CCDC85A: variants seen among roughly 807,000 people sequenced by gnomAD.
The protein encoded by CCDC85A is coiled-coil domain containing 85A.
CCDC85A carries 38 observed loss-of-function variants against 50.2 expected under a neutral mutation model. The ratio of observed to expected loss-of-function variants is 0.76; its 90% confidence interval spans 0.58 to 0.99. The LOEUF (loss-of-function observed/expected upper bound fraction) is 0.99. Among genes scored for constraint, CCDC85A ranks in the 50% least tolerant of loss-of-function variants. The pLI is 0.00. For missense variants in CCDC85A, 820 were observed against 742.0 expected (o/e 1.11, Z -1.22); for synonymous variants, 366 against 301.4 (o/e 1.21, Z -2.22).
intron 2 of CCDC85A, among the ~76,000 whole-genome samples, chr2:56,226,888 A>G (rs1381430671): frequency 6.6e-6 from 1 of 152,110 alleles, no homozygotes; most frequent in Non-Finnish European, 1.5e-5. Flanking sequence ...GAATTTTGTA[A>G]CTGAGTATTG....
intron 3 of CCDC85A, among the ~76,000 whole-genome samples, chr2:56,344,810 G>A (rs995541739): frequency 1.3e-5 from 2 of 151,806 alleles, no homozygotes; most frequent in Non-Finnish European, 2.9e-5. Context: ...TCTCTCAGGC[G>A]ACTGGGAATG....
intron 1 of CCDC85A, among the ~76,000 whole-genome samples, chr2:56,190,597 T>C (rs995963855): frequency 1.3e-5 from 2 of 152,160 alleles, no homozygotes; most frequent in Non-Finnish European, 2.9e-5. Flanking sequence ...AAGTGACTTA[T>C]AAAATGAGAC....
chr2:56,316,600 C>G (rs973045740), intron 2 of CCDC85A, among the ~76,000 whole-genome samples: 1 of 152,140 alleles, frequency 6.6e-6, no homozygotes, highest in African/African-American at 2.4e-5. Flanking sequence ...CTTCACTTAG[C>G]TAGATCCCAT....
intron 2 of CCDC85A, among the ~76,000 whole-genome samples, chr2:56,223,376 G>A (rs151248802): frequency 1.5e-3 from 225 of 152,206 alleles, no homozygotes; most frequent in Non-Finnish European, 2.9e-3. Context: ...AAATGAATGT[G>A]CATTACTTGT....
chr2:56,320,599 G>A (rs1268793750), intron 2 of CCDC85A, among the ~76,000 whole-genome samples: 1 of 152,068 alleles, frequency 6.6e-6, no homozygotes, highest in Non-Finnish European at 1.5e-5. Flanking sequence ...GGAAGAAGTT[G>A]AATCCCTGAA....
chr2:56,350,868 A>G (rs769356118), intron 3 of CCDC85A, among the ~76,000 whole-genome samples: 7 of 144,294 alleles, frequency 4.9e-5, no homozygotes, highest in Admixed American at 1.4e-4. Flanking sequence ...TATTATTATT[A>G]TACTTTAAGT....
chr2:56,186,452 T>C (rs1479040146), intron 1 of CCDC85A, among the ~76,000 whole-genome samples: 1 of 152,104 alleles, frequency 6.6e-6, no homozygotes, highest in African/African-American at 2.4e-5. Context: ...TAGGGGAAGG[T>C]TTAATACTTG....
At chr2:56,189,914 C>G (rs1421672649) in intron 1 of CCDC85A, among the ~76,000 whole-genome samples, 2 of 152,008 alleles carry the variant, frequency 1.3e-5, no homozygotes, top group African/African-American at 2.4e-5. Flanking sequence ...AAAGGTCAGG[C>G]CTGAAAACAG....
chr2:56,375,696 T>C (rs888709110), intron 4 of CCDC85A, 120 bp from the exon 5 acceptor site: 2 of 996,968 alleles, frequency 2.0e-6, no homozygotes, highest in African/African-American at 3.3e-5. Context: ...GTAGACTAGG[T>C]TAGGAAAAAG....
In CCDC85A at chr2:56,184,186, G is replaced by C. The variant is rs951673879; in HGVS notation, c.-439G>C. On this transcript the variant is annotated 5_prime_UTR_variant, in exon 1 of 6. Coordinates refer to ENST00000407595, the MANE Select transcript of CCDC85A (RefSeq NM_001080433.2). Reference sequence around the variant, plus strand: ...GGGAGAAGCCGGGGGCTGCAGCTGGGCAAGGGGGAGGAAAGTGCGTGTGCG... The same window carrying C: ...GGGAGAAGCCGGGGGCTGCAGCTGGCCAAGGGGGAGGAAAGTGCGTGTGCG... 1.7e-5 allele frequency: 17 copies of C among 988,302 alleles called. No homozygotes were observed. In the African/African-American group the frequency reaches 3.0e-4, roughly 17 times the overall value. 61.2% of individuals were successfully genotyped at this position (988,302 alleles called of 1,614,324 possible).
At chr2:56,190,809 C>A (rs1417351310) in intron 1 of CCDC85A, among the ~76,000 whole-genome samples, 1 of 152,178 alleles carries the variant, frequency 6.6e-6, no homozygotes, top group Non-Finnish European at 1.5e-5. Flanking sequence ...GCAGCTTCCA[C>A]TTTATCCTGA....
chr2:56,243,704 G>A (rs1250284529), intron 2 of CCDC85A, among the ~76,000 whole-genome samples: 7 of 152,092 alleles, frequency 4.6e-5, no homozygotes, highest in African/African-American at 1.7e-4. Flanking sequence ...GTAGATGTTC[G>A]ACATCTGGGC....
At chr2:56,285,559 TATATA>T (rs940739608) in intron 2 of CCDC85A, among the ~76,000 whole-genome samples, 131 of 146,452 alleles carry the variant, frequency 8.9e-4, no homozygotes, top group African/African-American at 3.0e-3. Flanking sequence ...TATAACATAA[TATATA>T]ATATAATATA....
intron 2 of CCDC85A, among the ~76,000 whole-genome samples, chr2:56,304,005 G>A (rs558855675): frequency 1.1e-4 from 16 of 152,302 alleles, no homozygotes; most frequent in African/African-American, 3.8e-4. Context: ...CAAAATGATG[G>A]AAGAGTGGAT....
chr2:56,266,582 C>CCCT (rs1670454494), intron 2 of CCDC85A, among the ~76,000 whole-genome samples: 1 of 126,650 alleles, frequency 7.9e-6, no homozygotes, highest in Non-Finnish European at 1.7e-5. Flanking sequence ...TAACGCGCCC[C>CCCT]CCCCCCCCAT....
intron 2 of CCDC85A, among the ~76,000 whole-genome samples, chr2:56,308,504 C>A (rs1464317937): frequency 1.3e-5 from 2 of 152,068 alleles, no homozygotes; most frequent in Non-Finnish European, 2.9e-5. Context: ...GGCTCTGTTG[C>A]CTTCTAGGTA....
In CCDC85A at chr2:56,292,143, C is replaced by T. The variant is rs562367461; in HGVS notation, c.1241-50736C>T. 4.6e-5 allele frequency among the ~76,000 whole-genome samples: 7 copies of T among 152,208 alleles called. No individual in the cohort carries two copies. In the South Asian group the frequency reaches 1.0e-3, roughly 23 times the overall value. On this transcript the variant is annotated intron_variant, in intron 2 of 5. Coordinates refer to ENST00000407595, the MANE Select transcript of CCDC85A (RefSeq NM_001080433.2). ...TGTCGCCCAGGCTGGAGTGCAGTGG[C>T]GCCATCTCAGCTCACTGTAAGCTCC...
chr2:56,303,680 A>G (rs939568723), intron 2 of CCDC85A, among the ~76,000 whole-genome samples: 18 of 152,216 alleles, frequency 1.2e-4, no homozygotes, highest in African/African-American at 4.3e-4. Context: ...CTGTGTGTAT[A>G]GTGCAGATGA....
intron 2 of CCDC85A, among the ~76,000 whole-genome samples, chr2:56,222,860 C>A (rs753050271): frequency 6.6e-6 from 1 of 152,080 alleles, no homozygotes; most frequent in Non-Finnish European, 1.5e-5. Flanking sequence ...TACTCAAAAT[C>A]ATTTTTGGAA....
Sources: gnomAD v4.1 joint callset for allele counts (sites outside exome capture counted in the v4.1 genomes callset) on GRCh38, gnomAD v4.1.1 for gene constraint, MANE v1.5 for transcripts, NCBI Gene and HGNC (gene_info 2026-07-23, HGNC 2026-07-21) for gene names.